Variants in NUMB observed in about 807,000 individuals in gnomAD.
NUMB encodes protein numb homolog.
In NUMB, 29 loss-of-function variants were observed where a neutral mutation model predicts 59.7. That is an observed-to-expected ratio of 0.49 (90% CI 0.36 to 0.66). The LOEUF is 0.66. NUMB is among the 30% of genes least tolerant of loss of function. NUMB has a pLI of 0.00. For synonymous variants in NUMB, 288 were observed against 288.2 expected (o/e 1.00, Z 0.01); for missense variants, 723 against 822.0 (o/e 0.88, Z 1.47).
chr14:73,333,925 C>T (rs1037666473), intron 4 of NUMB, among the ~76,000 whole-genome samples: 2 of 151,312 alleles, frequency 1.3e-5, no homozygotes, highest in Admixed American at 6.6e-5. Context: ...AGTGCAGTGG[C>T]GCGATCTCAG....
chr14:73,347,962 T>C (rs903195396), intron 4 of NUMB, among the ~76,000 whole-genome samples: 3 of 152,194 alleles, frequency 2.0e-5, no homozygotes, highest in Non-Finnish European at 2.9e-5. Context: ...AAACTCATGG[T>C]GTTTTCTTGG....
intron 6 of NUMB, among the ~76,000 whole-genome samples, chr14:73,315,261 A>C (rs546614464): frequency 5.1e-4 from 78 of 152,310 alleles, no homozygotes; most frequent in African/African-American, 1.7e-3. Flanking sequence ...ACCATGCAGT[A>C]GAAAAAAAAT....
intron 4 of NUMB, among the ~76,000 whole-genome samples, chr14:73,347,070 G>A (rs1281581394): frequency 1.3e-5 from 2 of 152,098 alleles, no homozygotes; most frequent in African/African-American, 4.8e-5. Flanking sequence ...CGTGATCACT[G>A]CAGCCTCTAC....
intron 1 of NUMB, among the ~76,000 whole-genome samples, chr14:73,428,144 A>G (rs1897665989): frequency 6.6e-6 from 1 of 152,204 alleles, no homozygotes; most frequent in Admixed American, 6.5e-5. Flanking sequence ...TTGAAAAGGA[A>G]TTAAAAATAG....
chr14:73,448,437 C>A (rs1248527033), intron 1 of NUMB, among the ~76,000 whole-genome samples: 2 of 151,492 alleles, frequency 1.3e-5, no homozygotes, highest in African/African-American at 4.9e-5. Context: ...AGCAATTCTC[C>A]CTCCTTGGCT....
chr14:73,411,885 G>A (rs1896909119), intron 1 of NUMB, among the ~76,000 whole-genome samples: 1 of 149,268 alleles, frequency 6.7e-6, no homozygotes, highest in African/African-American at 2.5e-5. Context: ...ATGCAATAGT[G>A]CTGTTCCTGA....
chr14:73,345,039 A>G (rs1892834761), intron 4 of NUMB, among the ~76,000 whole-genome samples: 1 of 152,234 alleles, frequency 6.6e-6, no homozygotes, highest in South Asian at 2.1e-4. Flanking sequence ...AAAAATACAC[A>G]TGCACTTTTA....
intron 2 of NUMB, among the ~76,000 whole-genome samples, chr14:73,374,485 T>C (rs2140063591): frequency 6.6e-6 from 1 of 152,298 alleles, no homozygotes; most frequent in East Asian, 1.9e-4. Flanking sequence ...GAGAACCTTG[T>C]GCCAAAATCT....
chr14:73,361,661 C>T (rs1010761394), intron 3 of NUMB, among the ~76,000 whole-genome samples: 2 of 151,976 alleles, frequency 1.3e-5, no homozygotes, highest in African/African-American at 2.4e-5. Flanking sequence ...TCCTTGTGTT[C>T]ATAAGTTCTT....
intron 1 of NUMB, among the ~76,000 whole-genome samples, chr14:73,448,018 G>T (rs1478626187): frequency 6.6e-6 from 1 of 151,996 alleles, no homozygotes; most frequent in South Asian, 2.1e-4. Flanking sequence ...GGCTGGTCTC[G>T]AACTCTGAGC....
chr14:73,311,147 C>T (rs1003158860), intron 6 of NUMB, among the ~76,000 whole-genome samples: 4 of 152,152 alleles, frequency 2.6e-5, no homozygotes, highest in African/African-American at 4.8e-5. Context: ...TGCCTACCCC[C>T]GGTGTTCAAG....
intron 2 of NUMB, among the ~76,000 whole-genome samples, chr14:73,400,188 C>T (rs1896346436): frequency 6.6e-6 from 1 of 152,050 alleles, no homozygotes; most frequent in African/African-American, 2.4e-5. Context: ...CTACATATAC[C>T]ATATGATTCC....
intron 1 of NUMB, among the ~76,000 whole-genome samples, chr14:73,420,496 T>C (rs112259236): frequency 0.061 from 9,204 of 152,074 alleles, 622 homozygotes; most frequent in African/African-American, 0.16. Flanking sequence ...TGTGTGTAGG[T>C]GGGGAAATTA....
At chr14:73,442,453 TTA>T (rs1187737217) in intron 1 of NUMB, among the ~76,000 whole-genome samples, 1 of 152,142 alleles carries the variant, frequency 6.6e-6, no homozygotes, top group Admixed American at 6.6e-5. Context: ...ACAAAAACTT[TTA>T]TGTGAATGTT....
intron 4 of NUMB, among the ~76,000 whole-genome samples, chr14:73,342,518 G>A (rs1433768388): frequency 6.6e-6 from 1 of 152,184 alleles, no homozygotes; most frequent in Admixed American, 6.5e-5. Flanking sequence ...TTTAATACTA[G>A]AACAGGTTGG....
At chr14:73,352,459 TACACACACACACACAC>T (rs60134093) in intron 4 of NUMB, among the ~76,000 whole-genome samples, 6 of 19,494 alleles carry the variant, frequency 3.1e-4, no homozygotes, top group Non-Finnish European at 4.3e-4. Context: ...CACACACACA[TACACACACACACACAC>T]ACATATATAT....
At position 73,278,057 on chromosome 14, in the gene NUMB, A is replaced by AAC. The variant is rs1566722072; in HGVS notation, c.1241-765_1241-764insGT. On this transcript the variant is annotated intron_variant, in intron 12 of 12. Transcript: ENST00000555238. ...CGAGACTCCGTCTCAAAAAAAAAAA[A>AAC]AAAAAAAAAAACACCTAGCTTGCAC... is the stretch of plus-strand genomic sequence containing the variant. 3.3e-4 allele frequency among the ~76,000 whole-genome samples: 49 copies of AAC among 149,416 alleles called. 1 individual carries two copies. Among genetic ancestry groups the AAC allele is most frequent in the Non-Finnish European group, 5.3e-4 (36 of 67,780 alleles).
At chr14:73,348,270 G>A (rs1594933222) in intron 4 of NUMB, among the ~76,000 whole-genome samples, 1 of 152,306 alleles carries the variant, frequency 6.6e-6, no homozygotes, top group Non-Finnish European at 1.5e-5. Flanking sequence ...GAGTTGGGGA[G>A]GGAAGGAGTG....
chr14:73,363,501 A>T (rs1372226499), intron 3 of NUMB, among the ~76,000 whole-genome samples: 3 of 152,190 alleles, frequency 2.0e-5, no homozygotes, highest in African/African-American at 7.2e-5. Context: ...CTTTCTTAAA[A>T]AGATCATTCT....
Sources: allele counts gnomAD v4.1 joint callset (sites outside exome capture counted in the v4.1 genomes callset), GRCh38; gene constraint gnomAD v4.1.1; transcripts MANE v1.5; gene names NCBI Gene and HGNC (gene_info 2026-07-23, HGNC 2026-07-21).